Variants in TUSC3 observed in about 807,000 individuals in gnomAD.
The protein encoded by TUSC3 is dolichyl-diphosphooligosaccharide--protein glycosyltransferase subunit TUSC3.
A neutral mutation model predicts 44.8 loss-of-function variants in TUSC3; 45 were observed. That is an observed-to-expected ratio of 1.00 (90% CI 0.79 to 1.29). The LOEUF (loss-of-function observed/expected upper bound fraction) is 1.29. Ranked by LOEUF, TUSC3 falls within the 50% of genes most tolerant of loss-of-function variation. The pLI is 0.00. For missense variants in TUSC3, 519 were observed against 437.9 expected, an observed-to-expected ratio of 1.19 and a Z score of -1.65; for synonymous variants, 212 against 152.9, an observed-to-expected ratio of 1.39 and a Z score of -2.85.
intron 6 of TUSC3, among the ~76,000 whole-genome samples, chr8:15,680,861 T>A (rs1213895448): frequency 6.6e-6 from 1 of 152,170 alleles, no homozygotes; most frequent in Non-Finnish European, 1.5e-5. Flanking sequence ...TTTTTAATTA[T>A]GTTTATGTGG....
chr8:15,489,610 C>A (rs1192798097), intron 2 of TUSC3, among the ~76,000 whole-genome samples: 1 of 152,136 alleles, frequency 6.6e-6, no homozygotes, highest in Non-Finnish European at 1.5e-5. Context: ...CTTTCAGGAT[C>A]TGCTGTCATG....
intron 2 of TUSC3, among the ~76,000 whole-genome samples, chr8:15,523,395 C>G (rs78236660): frequency 0.012 from 1,883 of 151,924 alleles, 40 homozygotes; most frequent in African/African-American, 0.042. Flanking sequence ...TTGCAGTATC[C>G]TTTGTGTTTT....
intron 2 of TUSC3, among the ~76,000 whole-genome samples, chr8:15,499,546 C>G (rs1056521126): frequency 6.6e-6 from 1 of 152,172 alleles, no homozygotes; most frequent in Non-Finnish European, 1.5e-5. Flanking sequence ...TAAATGGCCT[C>G]TCTTTTGTGT....
chr8:15,541,750 T>A (rs548280581), intron 1 of TUSC3, among the ~76,000 whole-genome samples: 1 of 151,956 alleles, frequency 6.6e-6, no homozygotes, highest in South Asian at 2.1e-4. Context: ...AATTAATGAT[T>A]TTTTTTAGCA....
chr8:15,743,663 A>T (rs1254240045), intron 8 of TUSC3, 51 bp downstream of exon 8: 8 of 1,578,430 alleles, frequency 5.1e-6, no homozygotes, highest in Non-Finnish European at 7.0e-6. Flanking sequence ...CTTAAGATTC[A>T]TTTAAGTCAA....
chr8:15,643,331 G>A (rs547194334), intron 2 of TUSC3, among the ~76,000 whole-genome samples: 1 of 151,944 alleles, frequency 6.6e-6, no homozygotes, highest in East Asian at 1.9e-4. Flanking sequence ...CGAACAATGC[G>A]TTAAATGATT....
chr8:15,807,324 A>G, the TUSC3 span: 5,878 of 439,584 alleles, frequency 0.013, 311 homozygotes, highest in African/African-American at 0.11. Flanking sequence ...GTCAAAAATC[A>G]TCAACAAAAC....
At chr8:15,600,741 A>G (rs918920231) in intron 1 of TUSC3, among the ~76,000 whole-genome samples, 1 of 151,652 alleles carries the variant, frequency 6.6e-6, no homozygotes, top group African/African-American at 2.4e-5. Context: ...CCCTCTCAAC[A>G]ACTAGTTAAG....
At chr8:15,660,847 A>G (rs1262873093) in intron 4 of TUSC3, among the ~76,000 whole-genome samples, 2 of 151,346 alleles carry the variant, frequency 1.3e-5, no homozygotes, top group East Asian at 1.9e-4. Flanking sequence ...TTTAATCAGA[A>G]CTTATTCTAA....
chr8:15,537,530 ACT>A, upstream of TUSC3, among the ~76,000 whole-genome samples: 1 of 152,006 alleles, frequency 6.6e-6, no homozygotes, highest in South Asian at 2.1e-4. Context: ...ACAGAGTTTG[ACT>A]CTTGTCATCA....
chr8:15,555,751 A>G (rs532938208), intron 1 of TUSC3, among the ~76,000 whole-genome samples: 1 of 151,728 alleles, frequency 6.6e-6, no homozygotes, highest in Non-Finnish European at 1.5e-5. Context: ...TATCTAAAGA[A>G]TCTTGTAGAA....
chr8:15,738,827 C>CTTTTTTTTTTCTTTGTTTTT (rs1373248681), intron 7 of TUSC3, among the ~76,000 whole-genome samples: 1 of 87,172 alleles, frequency 1.1e-5, no homozygotes, highest in African/African-American at 4.9e-5. Context: ...ATATATCTTG[C>CTTTTTTTTTTCTTTGTTTTT]TTTTTTTTTT....
intron 6 of TUSC3, among the ~76,000 whole-genome samples, chr8:15,717,613 C>A (rs1158127166): frequency 6.6e-6 from 1 of 152,036 alleles, no homozygotes; most frequent in African/African-American, 2.4e-5. Context: ...TTAAAATATT[C>A]TGTTTATAGT....
At chr8:15,483,512 G>C (rs1247924444) in intron 2 of TUSC3, 1 of 156,850 alleles carries the variant, frequency 6.4e-6, no homozygotes, top group Non-Finnish European at 1.4e-5. Flanking sequence ...GGCTAATTTT[G>C]TATTTTCAGT....
At chr8:15,561,497 G>T (rs1440161484) in intron 1 of TUSC3, 1 of 147,334 alleles carries the variant, frequency 6.8e-6, no homozygotes, top group African/African-American at 2.5e-5. Context: ...GCCTACAGAG[G>T]CAGGCAGGCC....
At chr8:15,841,847 A>G in the TUSC3 span, among the ~76,000 whole-genome samples, 396 of 152,310 alleles carry the variant, frequency 2.6e-3, 4 homozygotes, top group African/African-American at 9.0e-3. Context: ...GTAACTACAA[A>G]TGTACTTCTT....
intron 3 of TUSC3, among the ~76,000 whole-genome samples, chr8:15,658,627 T>C (rs1350266222): frequency 1.8e-5 from 2 of 113,228 alleles, no homozygotes; most frequent in South Asian, 2.7e-4. Context: ...CGTGTATATA[T>C]ACACATATAT....
the TUSC3 span, among the ~76,000 whole-genome samples, chr8:15,851,354 A>G: frequency 6.6e-6 from 1 of 152,226 alleles, no homozygotes; most frequent in African/African-American, 2.4e-5. Context: ...AAAAGGGACA[A>G]TGTACAATAG....
chr8:15,466,190 C>T (rs376137498), intron 1 of TUSC3, among the ~76,000 whole-genome samples: 2 of 152,156 alleles, frequency 1.3e-5, no homozygotes, highest in African/African-American at 2.4e-5. Flanking sequence ...CTCCTAAAGG[C>T]AGCATCTTTT....
Sources: gnomAD v4.1 joint callset for allele counts (sites outside exome capture counted in the v4.1 genomes callset) on GRCh38, gnomAD v4.1.1 for gene constraint, MANE v1.5 for transcripts, NCBI Gene and HGNC (gene_info 2026-07-23, HGNC 2026-07-21) for gene names.